TBC1D5: variants seen among roughly 807,000 people sequenced by gnomAD.
TBC1D5 encodes TBC1 domain family, member 5.
A neutral mutation model predicts 100.3 loss-of-function variants in TBC1D5; 75 were observed. The ratio of observed to expected loss-of-function variants is 0.75; its 90% confidence interval spans 0.62 to 0.91. The LOEUF is 0.91. TBC1D5 is among the 40% of genes least tolerant of loss of function. The pLI, the probability that TBC1D5 is intolerant of heterozygous loss-of-function variation, is 0.00. For synonymous variants in TBC1D5, 323 were observed against 325.6 expected, an observed-to-expected ratio of 0.99 and a Z score of 0.09; for missense variants, 910 against 942.4, an observed-to-expected ratio of 0.97 and a Z score of 0.45.
chr3:17,456,561 C>A lies in TBC1D5; in HGVS notation c.98-28042G>T, dbSNP rs550733842. Among the ~76,000 whole-genome samples, 28 of 152,256 alleles carry A rather than the reference C, an allele frequency of 1.8e-4. 1 individual carries two copies. The highest frequency in any genetic ancestry group is 1.2e-3 in the South Asian group (6 of 4,828). On this transcript the variant is annotated intron_variant, in intron 3 of 21. Coordinates refer to ENST00000253692, the Ensembl canonical transcript of TBC1D5. ...GGCATATGAAAAGGTGTTCAACATA[C>A]CGATCATCAGAGAAATGCAAATCAA...
intron 2 of TBC1D5, among the ~76,000 whole-genome samples, chr3:17,588,378 T>G (rs531284047): frequency 1.3e-5 from 2 of 152,038 alleles, no homozygotes; most frequent in African/African-American, 4.8e-5. Flanking sequence ...ATGTTTACCA[T>G]AGTCTCACTG....
chr3:17,677,587 G>T (rs1176405370), intron 1 of TBC1D5, among the ~76,000 whole-genome samples: 1 of 152,176 alleles, frequency 6.6e-6, no homozygotes, highest in Non-Finnish European at 1.5e-5. Flanking sequence ...AGACAGTGTG[G>T]CAATTCCTCA....
intron 14 of TBC1D5, among the ~76,000 whole-genome samples, chr3:17,297,510 A>AGGTT (rs2150291769): frequency 6.6e-6 from 1 of 151,258 alleles, no homozygotes; most frequent in African/African-American, 2.4e-5. Context: ...CGGGAAGTGG[A>AGGTT]GGTTGCAGTG....
intron 1 of TBC1D5, among the ~76,000 whole-genome samples, chr3:17,692,196 G>A (rs1478980271): frequency 6.6e-6 from 1 of 152,072 alleles, no homozygotes; most frequent in African/African-American, 2.4e-5. Context: ...AGGTTCAAAT[G>A]GCCTCCTGCC....
At chr3:17,199,767 G>A (rs79855052) in intron 18 of TBC1D5, among the ~76,000 whole-genome samples, 2 of 152,194 alleles carry the variant, frequency 1.3e-5, no homozygotes, top group Admixed American at 6.5e-5. Context: ...AGGCCAGAGC[G>A]ATTACCTGGA....
chr3:17,260,110 A>T (rs182269516), intron 15 of TBC1D5, among the ~76,000 whole-genome samples: 7 of 152,202 alleles, frequency 4.6e-5, no homozygotes, highest in African/African-American at 1.7e-4. Flanking sequence ...GGAAAATAAA[A>T]TAGAGGTTAA....
chr3:17,502,180 G>A (rs779244127), intron 3 of TBC1D5, among the ~76,000 whole-genome samples: 1 of 149,236 alleles, frequency 6.7e-6, no homozygotes. Flanking sequence ...TAATACTGTT[G>A]TGCCTTTTCT....
chr3:17,655,051 T>C (rs1185547159), intron 1 of TBC1D5, among the ~76,000 whole-genome samples: 1 of 151,702 alleles, frequency 6.6e-6, no homozygotes, highest in Non-Finnish European at 1.5e-5. Flanking sequence ...TCTTCTCTCT[T>C]TTCTTCTTTA....
chr3:17,721,722 T>C (rs2075724376), intron 1 of TBC1D5, among the ~76,000 whole-genome samples: 1 of 150,740 alleles, frequency 6.6e-6, no homozygotes, highest in Non-Finnish European at 1.5e-5. Flanking sequence ...GGCTCACGCC[T>C]GTAATCCTAG....
chr3:17,535,620 C>A (rs1280514617), intron 2 of TBC1D5, among the ~76,000 whole-genome samples: 3 of 151,878 alleles, frequency 2.0e-5, no homozygotes, highest in Non-Finnish European at 4.4e-5. Flanking sequence ...CTGGTATCAG[C>A]CCAAGAGAAC....
chr3:17,406,676 GCTGTCTTTTTGGACACAGT>G, intron 4 of TBC1D5, 150 bp from the exon 5 acceptor site: 3 of 608,710 alleles, frequency 4.9e-6, no homozygotes. Flanking sequence ...TGAACGCATG[GCTGTCTTTTTGGACACAGT>G]TCTTCCGTAG....
chr3:17,559,612 T>C (rs2096544500), intron 2 of TBC1D5, among the ~76,000 whole-genome samples: 1 of 149,414 alleles, frequency 6.7e-6, no homozygotes, highest in East Asian at 2.0e-4. Flanking sequence ...TTTTTTGAGG[T>C]GGAGTCTTGC....
At chr3:17,543,734 T>C (rs888362356) in intron 2 of TBC1D5, among the ~76,000 whole-genome samples, 2 of 152,318 alleles carry the variant, frequency 1.3e-5, no homozygotes, top group Non-Finnish European at 1.5e-5. Flanking sequence ...ATTATGCCTA[T>C]ATTCAGTCCC....
At chr3:17,164,745 C>T (rs2066422581) in intron 21 of TBC1D5, among the ~76,000 whole-genome samples, 1 of 152,192 alleles carries the variant, frequency 6.6e-6, no homozygotes, top group African/African-American at 2.4e-5. Context: ...ACCCCCTGGG[C>T]CCTTATCAGC....
intron 4 of TBC1D5, among the ~76,000 whole-genome samples, chr3:17,416,057 A>G (rs1054861362): frequency 1.1e-4 from 17 of 152,356 alleles, no homozygotes; most frequent in Non-Finnish European, 2.2e-4. Context: ...TGTCCTAATT[A>G]AAAGTCAATC....
chr3:17,388,039 G>C (rs1421743407), intron 8 of TBC1D5, among the ~76,000 whole-genome samples: 5 of 151,974 alleles, frequency 3.3e-5, no homozygotes, highest in East Asian at 1.9e-4. Flanking sequence ...AAATAGGTGA[G>C]GGCGAAACTC....
intron 2 of TBC1D5, among the ~76,000 whole-genome samples, chr3:17,511,576 ATACTC>A (rs1427483916): frequency 6.6e-6 from 1 of 152,008 alleles, no homozygotes; most frequent in East Asian, 1.9e-4. Flanking sequence ...TCAGAAGAAA[ATACTC>A]TACCACACAA....
At chr3:17,400,156 A>C in intron 8 of TBC1D5, among the ~76,000 whole-genome samples, 1 of 151,872 alleles carries the variant, frequency 6.6e-6, no homozygotes, top group East Asian at 1.9e-4. Flanking sequence ...TCACCACTCC[A>C]CTCTGTCCCC....
chr3:17,671,101 A>G (rs886314641), intron 1 of TBC1D5, among the ~76,000 whole-genome samples: 4 of 152,242 alleles, frequency 2.6e-5, no homozygotes, highest in Non-Finnish European at 4.4e-5. Context: ...ATTCTTCCCA[A>G]TGCATCCAAA....
Sources: gnomAD v4.1 joint callset for allele counts (sites outside exome capture counted in the v4.1 genomes callset) on GRCh38, gnomAD v4.1.1 for gene constraint, MANE v1.5 for transcripts, NCBI Gene and HGNC (gene_info 2026-07-23, HGNC 2026-07-21) for gene names.